Variants in RNF157 observed in about 807,000 individuals in gnomAD.
RNF157 encodes the protein ring finger protein 157.
A neutral mutation model predicts 88.3 loss-of-function variants in RNF157; 55 were observed. The observed-to-expected ratio is 0.62, with a 90% CI of 0.50 to 0.78. The LOEUF (loss-of-function observed/expected upper bound fraction) is 0.78, where lower values mean the gene tolerates loss of function less well. RNF157 is among the 30% of genes least tolerant of loss of function. The pLI, the probability that RNF157 is intolerant of heterozygous loss-of-function variation, is 0.00. For synonymous variants in RNF157, 334 were observed against 341.2 expected (o/e 0.98, Z 0.23); for missense variants, 788 against 860.8 (o/e 0.92, Z 1.06).
chr17:76,159,240 G>T, intron 12 of RNF157, 95 bp downstream of exon 12: 1 of 1,079,932 alleles, frequency 9.3e-7, no homozygotes, highest in Non-Finnish European at 1.4e-6. Context: ...GGGTTACTCT[G>T]CCCTAAGTCC....
intron 2 of RNF157, among the ~76,000 whole-genome samples, chr17:76,186,025 C>T (rs2069280953): frequency 6.6e-6 from 1 of 151,970 alleles, no homozygotes. Context: ...GTTCTAATGC[C>T]AAGTATTAAG....
At chr17:76,215,347 C>T (rs558226249) in intron 1 of RNF157, among the ~76,000 whole-genome samples, 4 of 151,810 alleles carry the variant, frequency 2.6e-5, no homozygotes, top group East Asian at 3.9e-4. Flanking sequence ...TGGTAGCATG[C>T]GTCTGGAGTT....
Position 76,228,925 on chromosome 17 carries a change from A to AAAT in RNF157, c.88+11225_88+11227dup, listed in dbSNP as rs985525606. 4.0e-5 allele frequency among the ~76,000 whole-genome samples: 6 copies of AAAT among 151,434 alleles called. No individual in the cohort carries two copies. In the South Asian group the frequency reaches 6.2e-4, roughly 16 times the overall value. On this transcript the variant is annotated intron_variant, in intron 1 of 18. Coordinates refer to ENST00000269391, the MANE Select transcript of RNF157 (RefSeq NM_052916.3). ...GGCGACAGAGTGAGACTCCATTTCAAAATAATAATAATAATACAAAAAAAA... is the reference window on the plus strand; with the variant it reads ...GGCGACAGAGTGAGACTCCATTTCAAAATAATAATAATAATAATACAAAAAAAA...
At position 76,237,789 on chromosome 17, in the gene RNF157, C is replaced by CA. The variant is rs1454980707; in HGVS notation, c.88+2363dup. 3.9e-5 allele frequency among the ~76,000 whole-genome samples: 6 copies of CA among 152,040 alleles called. No homozygotes were observed. The South Asian group carries it at 1.2e-3, about 32-fold the overall frequency. On this transcript the variant is annotated intron_variant, in intron 1 of 18. Transcript: ENST00000269391. Reference sequence around the variant, plus strand: ...GCAACATAGTGAGAGAGTGTCTCTACAAAAAACTTGCCTGGGCGTGGTAGC... The same window carrying CA: ...GCAACATAGTGAGAGAGTGTCTCTACAAAAAAACTTGCCTGGGCGTGGTAGC...
Position 76,240,163 on chromosome 17 carries a change from C to T in RNF157, c.78G>A (p.Pro26=), listed in dbSNP as rs1473567214. The T allele has an allele frequency of 7.3e-7, 1 of 1,366,686 alleles. No individual in the cohort carries two copies. The highest frequency in any genetic ancestry group is 2.0e-5 in the South Asian group (1 of 50,722). 84.7% of individuals were successfully genotyped at this position (1,366,686 alleles called of 1,614,324 possible). A position where few individuals can be genotyped will look rare whatever the true frequency, so the allele number is the denominator to read the frequency against. The part of the protein sequence containing the change: ...DIPSNSVYRY[P]PKSGSYFASH... ...CCCGCCCGCCCTCACCGGACTTGGG[C>T]GGGTAGCGGTACACGGAATTAGACG... is the stretch of plus-strand genomic sequence containing the variant. Residue 26 remains proline (P), a synonymous_variant, in exon 1 of 19, where the codon CCG becomes CCA. Coordinates refer to ENST00000269391, the MANE Select transcript of RNF157 (RefSeq NM_052916.3). This position sits in a 1 kb window ranked among gnomAD's most constrained non-coding sequence, Gnocchi z 4.4.
In RNF157 at chr17:76,225,964, C is replaced by T. The variant is rs535597471; in HGVS notation, c.89-13482G>A. ...TCTTGTTTTGCTCCATTTTTTTCAG[C>T]TTCTTATCCAGTTTCTCACCCTTTA... On this transcript the variant is annotated intron_variant, in intron 1 of 18. Coordinates refer to ENST00000269391, the MANE Select transcript of RNF157 (RefSeq NM_052916.3). 22 of 1,611,046 alleles carry T rather than the reference C, an allele frequency of 1.4e-5. No homozygotes were observed. The East Asian group carries it at 4.5e-4, about 33-fold the overall frequency.
chr17:76,230,692 G>C (rs1374175294), intron 1 of RNF157, among the ~76,000 whole-genome samples: 1 of 151,918 alleles, frequency 6.6e-6, no homozygotes, highest in African/African-American at 2.4e-5. Flanking sequence ...ACAAAAATTA[G>C]CCAGGCATGG....
intron 2 of RNF157, 121 bp downstream of exon 2, chr17:76,212,243 A>T: frequency 1.4e-6 from 1 of 697,910 alleles, no homozygotes; most frequent in East Asian, 2.5e-5. Flanking sequence ...CTTCTAGTGC[A>T]TCTCTCTCAA....
intron 2 of RNF157, among the ~76,000 whole-genome samples, chr17:76,210,407 A>G (rs184331175): frequency 0.018 from 2,791 of 151,594 alleles, 23 homozygotes; most frequent in East Asian, 0.038. Context: ...TGGCTAACAC[A>G]GTGAAACCCC....
chr17:76,146,019 C>A lies in RNF157; in HGVS notation c.1922-666G>T, dbSNP rs1041566041. Among the ~76,000 whole-genome samples the A allele has an allele frequency of 3.9e-5, 6 of 152,224 alleles. No homozygotes were observed. Among genetic ancestry groups the A allele is most frequent in the African/African-American group, 1.4e-4 (6 of 41,462 alleles). On this transcript the variant is annotated intron_variant, in intron 18 of 18. Transcript: ENST00000269391. This position sits in a 1 kb window ranked among gnomAD's most constrained non-coding sequence, Gnocchi z 4.2. ...CCTCGGGGTCCCACAGATACCATCA[C>A]TAAACGCATCCGCTCCCCAAATCTG...
chr17:76,198,790 G>A (rs529319693), intron 2 of RNF157, among the ~76,000 whole-genome samples: 1 of 152,248 alleles, frequency 6.6e-6, no homozygotes, highest in South Asian at 2.1e-4. Flanking sequence ...ACAAAAATTC[G>A]AAGCTCACAG....
intron 2 of RNF157, among the ~76,000 whole-genome samples, chr17:76,183,970 GGTTGA>G (rs2069239714): frequency 6.6e-6 from 1 of 151,992 alleles, no homozygotes; most frequent in African/African-American, 2.4e-5. Context: ...TGGGCGGGTT[GGTTGA>G]GGCCAGGAGT....
rs547664706 is a variant in RNF157 at position 76,176,773 on chromosome 17, C to T, written c.208-2983G>A. Among the ~76,000 whole-genome samples, 3 of 152,318 alleles carry T rather than the reference C, an allele frequency of 2.0e-5. No individual in the cohort carries two copies. Among genetic ancestry groups the T allele is most frequent in the East Asian group, 1.9e-4 (1 of 5,174 alleles). On this transcript the variant is annotated intron_variant, in intron 2 of 18. Coordinates refer to ENST00000269391, the MANE Select transcript of RNF157 (RefSeq NM_052916.3). The surrounding 1 kb of genome is among the most constrained non-coding windows in gnomAD (Gnocchi z 4.2). ...CGGAGCTGGGCCTTGGCCAGTGTCC[C>T]GCTTGCTCATGGAGCGCCAGGGCCA...
chr17:76,220,085 T>C (rs1328756190), intron 1 of RNF157, among the ~76,000 whole-genome samples: 1 of 151,914 alleles, frequency 6.6e-6, no homozygotes, highest in African/African-American at 2.4e-5. Context: ...ACCAACAAAG[T>C]AGGAGGGGGT....
rs766787606 is a variant in RNF157 at position 76,167,177 on chromosome 17, G to T, written c.444-51C>A. On this transcript the variant is annotated intron_variant, in intron 4 of 18. Transcript: ENST00000269391. ...CAAAAGTCAGTATCCGGCACAGATG[G>T]GTCTGACAACTTCCTCTGCTCATGC... 22 of 1,333,826 alleles carry T rather than the reference G, an allele frequency of 1.6e-5. 1 individual carries two copies. In the South Asian group the frequency reaches 2.5e-4, roughly 15 times the overall value. 82.6% of individuals were successfully genotyped at this position (1,333,826 alleles called of 1,614,324 possible).
At chr17:76,198,178 GAC>G (rs1459166260) in intron 2 of RNF157, among the ~76,000 whole-genome samples, 1 of 152,194 alleles carries the variant, frequency 6.6e-6, no homozygotes, top group Non-Finnish European at 1.5e-5. Flanking sequence ...AGGTGCTTGG[GAC>G]CTGGCCAACA....
At chr17:76,203,118 G>A (rs961848905) in intron 2 of RNF157, among the ~76,000 whole-genome samples, 8 of 152,000 alleles carry the variant, frequency 5.3e-5, no homozygotes, top group African/African-American at 1.9e-4. Context: ...AGCCTCCCAA[G>A]CGGCTGGGAT....
chr17:76,167,935 C>T, intron 3 of RNF157, 138 bp from the exon 4 acceptor site: 1 of 837,558 alleles, frequency 1.2e-6, no homozygotes, highest in Non-Finnish European at 1.8e-6. Flanking sequence ...TGAATGATCA[C>T]AGAGTGCTTC....
At chr17:76,193,886 G>A (rs1014949844) in intron 2 of RNF157, among the ~76,000 whole-genome samples, 1 of 152,118 alleles carries the variant, frequency 6.6e-6, no homozygotes, top group African/African-American at 2.4e-5. Flanking sequence ...GAGCAATGCT[G>A]CCCTGCTACC....
Sources: allele counts gnomAD v4.1 joint callset (sites outside exome capture counted in the v4.1 genomes callset), GRCh38; gene constraint gnomAD v4.1.1; non-coding constraint Gnocchi (gnomAD v3.1); transcripts MANE v1.5; gene names NCBI Gene and HGNC (gene_info 2026-07-23, HGNC 2026-07-21).